The following DST variants were observed in gnomAD, a reference collection of about 807,000 sequenced individuals.
DST encodes dystonin.
Under a neutral mutation model 875.2 loss-of-function variants are expected in DST, and 253 were observed. That is an observed-to-expected ratio of 0.29 (90% CI 0.26 to 0.32). The LOEUF (loss-of-function observed/expected upper bound fraction) is 0.32. DST is among the 10% of genes least tolerant of loss of function. The pLI is 1.00. For synonymous variants in DST, 3,124 were observed against 3,197.1 expected (o/e 0.98, Z 0.77); for missense variants, 8,287 against 9,111.6 (o/e 0.91, Z 3.68).
chr6:56,496,489 C>T (rs895241768), intron 82 of DST, among the ~76,000 whole-genome samples: 6 of 150,640 alleles, frequency 4.0e-5, no homozygotes, highest in Admixed American at 6.6e-5. Flanking sequence ...TTTTTTTTAA[C>T]GGAACAAGAG....
At position 56,608,632 on chromosome 6, in the gene DST, G is replaced by T. The variant is rs367811445; in HGVS notation, c.5996C>A (p.Ser1999Tyr). ...AACAGTCATTCTTTGGCCAGAGTTG[G>T]AATTGATCAGACCTCCAGAAAGAAG... ...AQLLSGGLIN[S>Y]NSGQRMTVEE... Residue 1999 changes from serine (S) to tyrosine (Y), a missense_variant, in exon 40 of 104, where the codon TCC becomes TAC. Around this residue, in one of 10 missense-constraint regions of DST, gnomAD observed 3,138 missense variants for 3,116.6 expected, o/e 1.01. Transcript: ENST00000680361. 5.4e-5 allele frequency: 87 copies of T among 1,613,244 alleles called. No homozygotes were observed. The East Asian group carries it at 1.1e-3, about 21-fold the overall frequency.
At chr6:56,583,861 C>T (rs868114354) in intron 49 of DST, among the ~76,000 whole-genome samples, 67 of 152,240 alleles carry the variant, frequency 4.4e-4, no homozygotes, top group Non-Finnish European at 4.3e-4. Flanking sequence ...GGAATCCTTT[C>T]CCCATTGCTT....
At chr6:56,729,563 C>T (rs1415709712) in intron 5 of DST, among the ~76,000 whole-genome samples, 1 of 148,582 alleles carries the variant, frequency 6.7e-6, no homozygotes, top group East Asian at 2.0e-4. Context: ...GCCGAGATCG[C>T]ACCATTGCAC....
At chr6:56,765,622 A>C (rs2099631469) in intron 4 of DST, among the ~76,000 whole-genome samples, 1 of 152,202 alleles carries the variant, frequency 6.6e-6, no homozygotes, top group African/African-American at 2.4e-5. Flanking sequence ...GCAAAAAGCA[A>C]TCTGTGCTTA....
chr6:56,692,703 GCTGT>G, intron 9 of DST: 2 of 1,289,632 alleles, frequency 1.6e-6, no homozygotes, highest in Middle Eastern at 4.3e-4. Flanking sequence ...AATATGGAGT[GCTGT>G]CTTTTTCTGA....
intron 4 of DST, among the ~76,000 whole-genome samples, chr6:56,738,830 C>G (rs1212896027): frequency 6.6e-6 from 1 of 150,950 alleles, no homozygotes; most frequent in East Asian, 2.0e-4. Context: ...GTCATGTTGC[C>G]CAGGCTGGTC....
Position 56,605,245 on chromosome 6 carries a change from C to A in DST, c.9383G>T (p.Ser3128Ile). The change falls in exon 40 of 104, where the codon AGT becomes ATT. Residue 3128 changes from serine (S) to isoleucine (I), a missense_variant. Ser to Ile is a moderately radical substitution (Grantham distance 142). Transcript: ENST00000680361. ...ATTCTCAAACTGAACAGGACTTTTA[C>A]TAACTATTATTTGTAGATTATTTGG... ...DEPNNLQIIV[S>I]KSPVQFENLE... 6.2e-7 allele frequency: 1 copy of A among 1,610,888 alleles called. No individual in the cohort carries two copies. Among genetic ancestry groups the A allele is most frequent in the Non-Finnish European group, 8.5e-7 (1 of 1,178,202 alleles).
chr6:56,530,564 A>G (rs2096879056), intron 64 of DST, among the ~76,000 whole-genome samples: 1 of 152,228 alleles, frequency 6.6e-6, no homozygotes, highest in South Asian at 2.1e-4. Flanking sequence ...TCAAATGGTC[A>G]AAACTGGTTT....
At chr6:56,591,120 G>A (rs747859704) in intron 49 of DST, among the ~76,000 whole-genome samples, 1 of 152,210 alleles carries the variant, frequency 6.6e-6, no homozygotes. Context: ...TTGATGGAAT[G>A]AAACTTTTAA....
intron 74 of DST, 25 bp from the exon 75 acceptor site, chr6:56,508,780 A>T (rs2096400733): frequency 6.3e-7 from 1 of 1,575,328 alleles, no homozygotes; most frequent in Non-Finnish European, 8.7e-7. Context: ...AATATCCACA[A>T]GGCGACTGGT....
chr6:56,631,974 T>G lies in DST; in HGVS notation c.3872A>C (p.Glu1291Ala), dbSNP rs773768314. 6.8e-6 allele frequency: 11 copies of G among 1,613,600 alleles called. No individual in the cohort carries two copies. Among genetic ancestry groups the G allele is most frequent in the Admixed American group, 1.7e-5 (1 of 60,004 alleles). ...SEVRNIRLRL[E>A]NCEDRLIRQI... ...TCTAATCAGCCGATCTTCACAGTTC[T>G]CTAACCGAAGTCTAATGTTTCGAAC... Residue 1291 changes from glutamate to alanine, a missense_variant, in exon 29 of 104, where the codon GAG becomes GCG. Glu to Ala is a moderately radical substitution (Grantham distance 107). Around this residue, in one of 10 missense-constraint regions of DST, gnomAD observed 3,138 missense variants for 3,116.6 expected, o/e 1.01. Coordinates refer to ENST00000680361, the MANE Select transcript of DST (RefSeq NM_001374736.1).
chr6:56,761,003 G>GT (rs1335277834), intron 4 of DST, among the ~76,000 whole-genome samples: 1 of 152,232 alleles, frequency 6.6e-6, no homozygotes, highest in Non-Finnish European at 1.5e-5. Context: ...TATAACTAAA[G>GT]TAACTGTGTT....
At chr6:56,771,278 A>T in intron 4 of DST, among the ~76,000 whole-genome samples, 1 of 152,194 alleles carries the variant, frequency 6.6e-6, no homozygotes, top group African/African-American at 2.4e-5. Flanking sequence ...GTATTACTTT[A>T]GAAGTTCATA....
rs760073166 is a variant in DST at position 56,527,500 on chromosome 6, C to G, written c.17915G>C (p.Arg5972Thr). The G allele has an allele frequency of 6.2e-7, 1 of 1,613,200 alleles. No homozygotes were observed. The change falls in exon 68 of 104, where the codon AGA (arginine) becomes ACA (threonine). Residue 5972 changes from arginine (R) to threonine (T), a missense_variant. Physicochemically the swap from Arg to Thr is moderately conservative, Grantham distance 71. Coordinates refer to ENST00000680361, the MANE Select transcript of DST (RefSeq NM_001374736.1). ...GCAGAAATCAGAGCTTACCTTTGGTCTCATTTGTGCTTGACTTGCTTCTTC... is the reference window on the plus strand; with the variant it reads ...GCAGAAATCAGAGCTTACCTTTGGTGTCATTTGTGCTTGACTTGCTTCTTC... The part of the protein sequence containing the change: ...KGEEASQAQM[R>T]PKELKKEAKN...
Position 56,560,323 on chromosome 6 carries a change from G to A in DST, c.14411C>T (p.Pro4804Leu). 6.2e-7 allele frequency: 1 copy of A among 1,610,852 alleles called. No homozygotes were observed. Among genetic ancestry groups the A allele is most frequent in the Non-Finnish European group, 8.5e-7 (1 of 1,178,388 alleles). The change falls in exon 58 of 104, where the codon CCC (proline) becomes CTC (leucine). Residue 4804 changes from proline (P) to leucine (L), a missense_variant. Physicochemically the swap from Pro to Leu is moderately conservative, Grantham distance 98 (BLOSUM62 -3). Transcript: ENST00000680361. ...LEENPDTPEAPRWKQMLTEID... is the reference protein window; with the variant it reads ...LEENPDTPEALRWKQMLTEID... ...TTCTGTCAACATCTGTTTCCATCTG[G>A]GGGCCTCAGGAGTATCTGGGTTCTC...
chr6:56,603,367 C>T lies in DST; in HGVS notation c.10995G>A (p.Lys3665=), dbSNP rs1295253111. 6.2e-7 allele frequency: 1 copy of T among 1,611,088 alleles called. No homozygotes were observed. Among genetic ancestry groups the T allele is most frequent in the Non-Finnish European group, 8.5e-7 (1 of 1,179,086 alleles). The stretch of plus-strand genomic sequence containing the variant: ...GAGACTTTAAAAACTCTTCTGCCAA[C>T]TTCATATCTTTTCTTAAAATAACAG... ...PIAVILRKDM[K]LAEEFLKSLP... is the part of the protein sequence containing the mutation. Residue 3665 remains lysine (K), a synonymous_variant, in exon 42 of 104, where the codon AAG becomes AAA. Transcript: ENST00000680361.
intron 3 of DST, among the ~76,000 whole-genome samples, chr6:56,886,881 T>A (rs922589030): frequency 1.3e-5 from 2 of 152,124 alleles, no homozygotes; most frequent in African/African-American, 4.8e-5. Flanking sequence ...TTCCATAGAT[T>A]GATTTTTTTG....
chr6:56,530,206 T>C, intron 64 of DST, 73 bp from the exon 65 acceptor site: 1 of 1,191,554 alleles, frequency 8.4e-7, no homozygotes, highest in Non-Finnish European at 1.1e-6. Context: ...TCAGTCATGC[T>C]CTTGCAATCT....
intron 4 of DST, among the ~76,000 whole-genome samples, chr6:56,779,316 T>G (rs1398865589): frequency 1.3e-5 from 2 of 152,078 alleles, no homozygotes; most frequent in Admixed American, 1.3e-4. Flanking sequence ...TGCAAAAAAT[T>G]TCTCCCATTC....
Sources: allele counts gnomAD v4.1 joint callset (sites outside exome capture counted in the v4.1 genomes callset), GRCh38; gene constraint gnomAD v4.1.1; regional missense constraint gnomAD v4.1.1; transcripts MANE v1.5; gene names NCBI Gene and HGNC (gene_info 2026-07-23, HGNC 2026-07-21).